Variants in SETD5 observed in about 807,000 individuals in gnomAD.
SETD5 encodes SET domain containing 5.
Under a neutral mutation model 153.3 loss-of-function variants are expected in SETD5, and 44 were observed. The ratio of observed to expected loss-of-function variants is 0.29; its 90% CI spans 0.23 to 0.37. The LOEUF (loss-of-function observed/expected upper bound fraction) is 0.37. Ranked by LOEUF, SETD5 falls within the 10% of genes least tolerant of loss-of-function variation. SETD5 has a pLI of 1.00. For missense variants in SETD5, 1,544 were observed against 1,768.0 expected, an observed-to-expected ratio of 0.87 and a Z score of 2.27; for synonymous variants, 716 against 645.2, an observed-to-expected ratio of 1.11 and a Z score of -1.66.
rs937886879 is a variant in SETD5 at position 9,437,015 on chromosome 3, C to A, written c.567+1109C>A. ...GCTTTTCATTAGTTTGTAGTTGTTG[C>A]CATTCAGTTTTCATAGAGCTTTTCT... is the stretch of plus-strand genomic sequence containing the variant. On this transcript the variant is annotated intron_variant, in intron 7 of 22. Coordinates refer to ENST00000402198, the MANE Select transcript of SETD5 (RefSeq NM_001080517.3). 9 of 779,042 alleles carry A rather than the reference C, an allele frequency of 1.2e-5. 1 individual carries two copies. The Middle Eastern group carries it at 9.4e-4, about 82-fold the overall frequency. The allele number at this position is 779,042 out of a possible 1,614,324, so 48.3% of individuals were successfully genotyped here. A position where few individuals can be genotyped will look rare whatever the true frequency, so the allele number is the denominator to read the frequency against.
chr3:9,456,192 A>G (rs2043215184), intron 17 of SETD5, among the ~76,000 whole-genome samples: 1 of 141,922 alleles, frequency 7.0e-6, no homozygotes, highest in Non-Finnish European at 1.5e-5. Context: ...GAAGTCTCTG[A>G]GGCTAGGCGT....
intron 17 of SETD5, among the ~76,000 whole-genome samples, chr3:9,455,374 G>A (rs1216133618): frequency 6.6e-6 from 1 of 151,398 alleles, no homozygotes; most frequent in East Asian, 1.9e-4. Context: ...CCAAAGTGCT[G>A]GGATTACAGG....
In SETD5 at chr3:9,441,579, C is replaced by T; in HGVS notation, c.811-14C>T. 1 of 1,613,226 alleles carries T rather than the reference C, an allele frequency of 6.2e-7. No homozygotes were observed. Among genetic ancestry groups the T allele is most frequent in the Non-Finnish European group, 8.5e-7 (1 of 1,179,364 alleles). On this transcript the variant is annotated splice_polypyrimidine_tract_variant and intron_variant, in intron 8 of 22. Coordinates refer to ENST00000402198, the MANE Select transcript of SETD5 (RefSeq NM_001080517.3). ...CTTGCTGTTGTTTAATGTTATTGCT[C>T]TGGTTTTATTCAGTTACAGCTGGGA...
At chr3:9,460,591 A>G (rs560368397) in intron 17 of SETD5, among the ~76,000 whole-genome samples, 5 of 152,166 alleles carry the variant, frequency 3.3e-5, no homozygotes, top group Non-Finnish European at 5.9e-5. Flanking sequence ...GTATTGGACA[A>G]TAAGTGGAAA....
In SETD5 at chr3:9,476,253, C is replaced by A; in HGVS notation, c.*162C>A. The stretch of plus-strand genomic sequence containing the variant: ...AACAAGACTTGTGGTCACAATTGGC[C>A]TCTGGCCTTGGAGAAAGCTGTAAAT... On this transcript the variant is annotated 3_prime_UTR_variant, in exon 23 of 23. Transcript: ENST00000402198. The A allele has an allele frequency of 1.0e-6, 1 of 1,002,902 alleles. No individual in the cohort carries two copies. The highest frequency in any genetic ancestry group is 3.0e-4 in the Middle Eastern group (1 of 3,294). 62.1% of individuals were successfully genotyped at this position (1,002,902 alleles called of 1,614,324 possible). A position where few individuals can be genotyped will look rare whatever the true frequency, so the allele number is the denominator to read the frequency against.
intron 19 of SETD5, among the ~76,000 whole-genome samples, chr3:9,472,933 C>G (rs1414246133): frequency 6.6e-6 from 1 of 152,152 alleles, no homozygotes; most frequent in Admixed American, 6.5e-5. Context: ...ATGGTAACCT[C>G]ACAAGTTTTT....
chr3:9,410,115 A>G (rs1412807291), intron 1 of SETD5, among the ~76,000 whole-genome samples: 1 of 152,178 alleles, frequency 6.6e-6, no homozygotes, highest in Non-Finnish European at 1.5e-5. Context: ...ACTAACATAA[A>G]CCTAGATGGT....
chr3:9,413,628 T>G (rs917899401), intron 1 of SETD5, among the ~76,000 whole-genome samples: 1 of 141,690 alleles, frequency 7.1e-6, no homozygotes, highest in African/African-American at 2.6e-5. Context: ...AATTCTAGCT[T>G]CTTCGGGTGG....
chr3:9,447,407 C>G (rs1444449737), intron 14 of SETD5, 100 bp downstream of exon 14: 2 of 1,463,336 alleles, frequency 1.4e-6, no homozygotes, highest in Non-Finnish European at 1.8e-6. Context: ...CAGCTTTGCT[C>G]CATATCACAA....
intron 9 of SETD5, 87 bp downstream of exon 9, chr3:9,441,828 G>A (rs779490959): frequency 2.2e-4 from 339 of 1,519,960 alleles, no homozygotes; most frequent in Non-Finnish European, 2.9e-4. Context: ...TTGATAAGAC[G>A]CTCTTGGGAG....
intron 2 of SETD5, among the ~76,000 whole-genome samples, chr3:9,425,055 C>CTTTTTTTTTTTTTTTTTTTTTTTTTTTT (rs778883904): frequency 3.6e-5 from 3 of 83,640 alleles, no homozygotes; most frequent in Admixed American, 1.4e-4. Context: ...GACAATGTTT[C>CTTTTTTTTTTTTTTTTTTTTTTTTTTTT]TTTTTTTTTT....
chr3:9,457,958 C>T (rs948817536), intron 17 of SETD5, among the ~76,000 whole-genome samples: 4 of 151,782 alleles, frequency 2.6e-5, no homozygotes, highest in Non-Finnish European at 5.9e-5. Flanking sequence ...TAATGAAGTA[C>T]TTTCTCTTGA....
At position 9,421,802 on chromosome 3, in the gene SETD5, T is replaced by C. The variant is rs565126344; in HGVS notation, c.-176-2665T>C. Among the ~76,000 whole-genome samples, 132 of 152,252 alleles carry C rather than the reference T, an allele frequency of 8.7e-4. No individual in the cohort carries two copies. The South Asian group carries it at 0.012, about 14-fold the overall frequency. The stretch of plus-strand genomic sequence containing the variant: ...CATTTATTGACCTATTAAAGATTTT[T>C]TTAGTGCTTCAGAGCTATTCTGTAT... On this transcript the variant is annotated intron_variant, in intron 1 of 22. Coordinates refer to ENST00000402198, the MANE Select transcript of SETD5 (RefSeq NM_001080517.3).
At chr3:9,424,984 A>G (rs2038928211) in intron 2 of SETD5, among the ~76,000 whole-genome samples, 1 of 151,754 alleles carries the variant, frequency 6.6e-6, no homozygotes, top group Admixed American at 6.6e-5. Flanking sequence ...TGAAACAGTC[A>G]TGTTAAACTA....
chr3:9,446,516 C>T (rs1293974702), intron 13 of SETD5, among the ~76,000 whole-genome samples: 6 of 150,136 alleles, frequency 4.0e-5, no homozygotes, highest in Non-Finnish European at 8.9e-5. Context: ...CTTTTTGAGA[C>T]CGACTCTTGC....
At chr3:9,407,284 T>C (rs922181269) in intron 1 of SETD5, among the ~76,000 whole-genome samples, 1 of 152,030 alleles carries the variant, frequency 6.6e-6, no homozygotes, top group Non-Finnish European at 1.5e-5. Flanking sequence ...GCCAAGATCG[T>C]GCCACTGCAT....
At chr3:9,422,927 T>C (rs541478708) in intron 1 of SETD5, among the ~76,000 whole-genome samples, 1 of 152,350 alleles carries the variant, frequency 6.6e-6, no homozygotes, top group East Asian at 1.9e-4. Flanking sequence ...CTGAAGCATA[T>C]GAGGCCTGTT....
intron 16 of SETD5, among the ~76,000 whole-genome samples, chr3:9,450,927 G>C (rs1166586021): frequency 6.6e-6 from 1 of 152,114 alleles, no homozygotes; most frequent in East Asian, 1.9e-4. Context: ...GAGGAGTTCA[G>C]GTATTTGACA....
chr3:9,462,807 A>C (rs948045435), intron 17 of SETD5, among the ~76,000 whole-genome samples: 1 of 152,140 alleles, frequency 6.6e-6, no homozygotes, highest in Non-Finnish European at 1.5e-5. Flanking sequence ...CCACACATCA[A>C]GTTTCTCACC....
Sources: allele counts gnomAD v4.1 joint callset (sites outside exome capture counted in the v4.1 genomes callset), GRCh38; gene constraint gnomAD v4.1.1; transcripts MANE v1.5; gene names NCBI Gene and HGNC (gene_info 2026-07-23, HGNC 2026-07-21).